The following PLSCR1 variants were observed in gnomAD, a reference collection of about 807,000 sequenced individuals.
PLSCR1 encodes phospholipid scramblase 1.
PLSCR1 carries 17 observed loss-of-function variants against 37.8 expected under a neutral mutation model. The ratio of observed to expected loss-of-function variants is 0.45; its 90% CI spans 0.31 to 0.68. The LOEUF is 0.68. Ranked by LOEUF, PLSCR1 falls within the 30% of genes least tolerant of loss-of-function variation. The pLI, the probability that PLSCR1 is intolerant of heterozygous loss-of-function variation, is 0.06. For synonymous variants in PLSCR1, 116 were observed against 125.9 expected (o/e 0.92, Z 0.53); for missense variants, 347 against 380.9 (o/e 0.91, Z 0.74).
intron 5 of PLSCR1, among the ~76,000 whole-genome samples, chr3:146,524,699 TA>T (rs35783404): frequency 2.6e-4 from 39 of 148,904 alleles, no homozygotes; most frequent in South Asian, 6.3e-4. Context: ...TTAGATACAC[TA>T]AAAAAAAAAT....
At position 146,527,646 on chromosome 3, in the gene PLSCR1, ACT is replaced by A. The variant is rs555332996; in HGVS notation, c.312+966_312+967del. Among the ~76,000 whole-genome samples the A allele has an allele frequency of 1.2e-4, 18 of 152,248 alleles. No individual in the cohort carries two copies. The South Asian group carries it at 3.7e-3, about 32-fold the overall frequency. On this transcript the variant is annotated intron_variant, in intron 4 of 8. Transcript: ENST00000342435. ...TAACATCCTTTATGTATTTTATGAG[ACT>A]CTGATTTTTAAAATATCTATTTCTA...
intron 7 of PLSCR1, among the ~76,000 whole-genome samples, chr3:146,519,667 T>C (rs2043992817): frequency 6.6e-6 from 1 of 152,066 alleles, no homozygotes; most frequent in Non-Finnish European, 1.5e-5. Context: ...TAACTTCCCA[T>C]ATATATTTTA....
intron 6 of PLSCR1, 53 bp from the exon 7 acceptor site, chr3:146,521,758 G>A (rs979954953): frequency 2.2e-5 from 35 of 1,576,950 alleles, no homozygotes; most frequent in South Asian, 1.0e-4. Context: ...GCCTAGGTTC[G>A]ATGAAAGGTT....
In PLSCR1 at chr3:146,518,354, G is replaced by A. The variant is rs951207382; in HGVS notation, c.739-1187C>T. 2.0e-5 allele frequency among the ~76,000 whole-genome samples: 3 copies of A among 152,150 alleles called. No homozygotes were observed. The South Asian group carries it at 6.2e-4, about 32-fold the overall frequency. ...CAGATTGAGGTTAACATGCGCCTAAGTCAGTGCTTAAATACATCCACTGAA... is the reference window on the plus strand; with the variant it reads ...CAGATTGAGGTTAACATGCGCCTAAATCAGTGCTTAAATACATCCACTGAA... On this transcript the variant is annotated intron_variant, in intron 7 of 8. Coordinates refer to ENST00000342435, the MANE Select transcript of PLSCR1 (RefSeq NM_021105.3).
chr3:146,534,360 T>C (rs373225110), intron 2 of PLSCR1, among the ~76,000 whole-genome samples: 1 of 80,508 alleles, frequency 1.2e-5, no homozygotes, highest in East Asian at 2.7e-4. Flanking sequence ...TATCTCCTTA[T>C]CTGTTTCCTT....
chr3:146,524,452 C>A (rs1337047876), intron 5 of PLSCR1, among the ~76,000 whole-genome samples: 2 of 151,308 alleles, frequency 1.3e-5, no homozygotes, highest in African/African-American at 2.4e-5. Context: ...AAACTGGAGA[C>A]ATTTCTTTTT....
chr3:146,518,953 A>G (rs1327615198), intron 7 of PLSCR1, among the ~76,000 whole-genome samples: 1 of 152,226 alleles, frequency 6.6e-6, no homozygotes, highest in Non-Finnish European at 1.5e-5. Context: ...TCATCTCACA[A>G]TGCAAATATA....
At chr3:146,543,120 T>C (rs1199290112) in intron 1 of PLSCR1, among the ~76,000 whole-genome samples, 2 of 151,906 alleles carry the variant, frequency 1.3e-5, no homozygotes, top group Non-Finnish European at 2.9e-5. Context: ...ACTCCATAGG[T>C]AGAATTCCTG....
rs1283648213 is a variant in PLSCR1, at chr3:146,528,760, G to C, written c.166C>G (p.Pro56Ala). Residue 56 changes from proline (P) to alanine (A), a missense_variant, in exon 4 of 9, where the codon CCT becomes GCT. Coordinates refer to ENST00000342435, the MANE Select transcript of PLSCR1 (RefSeq NM_021105.3). ...GGGACAGGAAAGCCAGCTGGGCCAG[G>C]ACCTGAATGGCCGGCTGGTGGGGGT... ...YPPPPAGHSG[P>A]GPAGFPVPNQ... The C allele has an allele frequency of 3.7e-6, 6 of 1,614,206 alleles. No individual in the cohort carries two copies. The highest frequency in any genetic ancestry group is 4.2e-6 in the Non-Finnish European group (5 of 1,180,028).
At chr3:146,529,622 C>T (rs1230687684) in intron 3 of PLSCR1, among the ~76,000 whole-genome samples, 2 of 151,928 alleles carry the variant, frequency 1.3e-5, no homozygotes, top group Non-Finnish European at 2.9e-5. Context: ...ACACCATTCT[C>T]CTGCCTCAGC....
intron 1 of PLSCR1, among the ~76,000 whole-genome samples, chr3:146,544,083 T>A (rs2044372714): frequency 6.6e-6 from 1 of 152,120 alleles, no homozygotes; most frequent in African/African-American, 2.4e-5. Context: ...GAGCCCAGAC[T>A]CTACCCAGGA....
chr3:146,527,266 T>G (rs933791026), intron 4 of PLSCR1, among the ~76,000 whole-genome samples: 1 of 152,224 alleles, frequency 6.6e-6, no homozygotes, highest in African/African-American at 2.4e-5. Context: ...TAGTGTTCTA[T>G]AGCTATGTAG....
At position 146,544,480 on chromosome 3, in the gene PLSCR1, T is replaced by A. The variant is rs2044380107; in HGVS notation, c.-27A>T. 1 of 152,332 alleles carries A rather than the reference T, an allele frequency of 6.6e-6. No homozygotes were observed. Among genetic ancestry groups the A allele is most frequent in the Non-Finnish European group, 1.5e-5 (1 of 68,142 alleles). 9.4% of individuals were successfully genotyped at this position (152,332 alleles called of 1,614,324 possible). A position where few individuals can be genotyped will look rare whatever the true frequency, so the allele number is the denominator to read the frequency against. On this transcript the variant is annotated 5_prime_UTR_variant, in exon 1 of 9. Coordinates refer to ENST00000342435, the MANE Select transcript of PLSCR1 (RefSeq NM_021105.3). ...CCGCCCGCGCACCTCTGGCTGCCGCTGTTTCCGCTCCCGAGCGAGACAAGG... is the reference window on the plus strand; with the variant it reads ...CCGCCCGCGCACCTCTGGCTGCCGCAGTTTCCGCTCCCGAGCGAGACAAGG...
intron 3 of PLSCR1, 100 bp downstream of exon 3, chr3:146,533,370 G>A: frequency 1.8e-6 from 1 of 563,274 alleles, no homozygotes; most frequent in Non-Finnish European, 3.2e-6. Flanking sequence ...AAAAACAAAT[G>A]CACAATTCTC....
chr3:146,524,463 T>C (rs906405736), intron 5 of PLSCR1, among the ~76,000 whole-genome samples: 1 of 151,956 alleles, frequency 6.6e-6, no homozygotes, highest in African/African-American at 2.4e-5. Context: ...ATTTCTTTTT[T>C]GAAAAATAAG....
intron 1 of PLSCR1, among the ~76,000 whole-genome samples, chr3:146,543,367 C>G (rs1048885419): frequency 1.1e-4 from 17 of 152,186 alleles, no homozygotes; most frequent in Admixed American, 1.0e-3. Context: ...CCACTCTTTC[C>G]CTTTATATGT....
At chr3:146,524,469 A>G (rs1420192515) in intron 5 of PLSCR1, among the ~76,000 whole-genome samples, 1 of 151,872 alleles carries the variant, frequency 6.6e-6, no homozygotes, top group Admixed American at 6.6e-5. Context: ...TTTTTGAAAA[A>G]TAAGCATAAT....
intron 2 of PLSCR1, among the ~76,000 whole-genome samples, chr3:146,535,913 G>A (rs1047500568): frequency 7.2e-5 from 11 of 152,166 alleles, no homozygotes; most frequent in East Asian, 5.8e-4. Flanking sequence ...AAAGAAAAGC[G>A]TTTCAGAAAA....
At position 146,521,538 on chromosome 3, in the gene PLSCR1, T is replaced by A. The variant is rs1452667376; in HGVS notation, c.738+6A>T. On this transcript the variant is annotated splice_donor_region_variant and intron_variant, in intron 7 of 8. Coordinates refer to ENST00000342435, the MANE Select transcript of PLSCR1 (RefSeq NM_021105.3). ...CAAATCTTATAAACATTATGACATC[T>A]CTTACCTCAAAATCAACATCTCCAC... The A allele has an allele frequency of 4.3e-6, 7 of 1,611,028 alleles. No homozygotes were observed. The South Asian group carries it at 5.5e-5, about 13-fold the overall frequency.
Sources: allele counts gnomAD v4.1 joint callset (sites outside exome capture counted in the v4.1 genomes callset), GRCh38; gene constraint gnomAD v4.1.1; transcripts MANE v1.5; gene names NCBI Gene and HGNC (gene_info 2026-07-23, HGNC 2026-07-21).